Variants in PLEKHA4 observed in about 807,000 individuals in gnomAD.
The protein encoded by PLEKHA4 is pleckstrin homology domain-containing family A member 4.
A neutral mutation model predicts 94.7 loss-of-function variants in PLEKHA4; 73 were observed. The observed-to-expected ratio is 0.77, with a 90% CI of 0.64 to 0.94. PLEKHA4 has a LOEUF of 0.94. Among genes scored for constraint, PLEKHA4 ranks in the 40% least tolerant of loss-of-function variants. The pLI, the probability that PLEKHA4 is intolerant of heterozygous loss-of-function variation, is 0.00. For synonymous variants in PLEKHA4, 449 were observed against 437.1 expected (o/e 1.03, Z -0.34); for missense variants, 1,049 against 1,054.1 (o/e 1.00, Z 0.07).
At chr19:48,857,128 C>G (rs1452619015) in intron 9 of PLEKHA4, among the ~76,000 whole-genome samples, 1 of 151,958 alleles carries the variant, frequency 6.6e-6, no homozygotes, top group Non-Finnish European at 1.5e-5. Flanking sequence ...TGCTGGCAAC[C>G]ACCAGAAGCT....
chr19:48,866,092 T>C (rs911306624), intron 2 of PLEKHA4, among the ~76,000 whole-genome samples: 11 of 151,576 alleles, frequency 7.3e-5, no homozygotes, highest in Non-Finnish European at 1.3e-4. Context: ...GAGGTGTTCT[T>C]ATTGCAGAGT....
chr19:48,865,338 G>A (rs1246592961), intron 3 of PLEKHA4, among the ~76,000 whole-genome samples, 165 bp downstream of exon 3: 1 of 152,084 alleles, frequency 6.6e-6, no homozygotes, highest in Admixed American at 6.6e-5. Context: ...AAGAGACTCT[G>A]TCTTAAAAAT....
chr19:48,863,597 ATT>A (rs1234542582), intron 3 of PLEKHA4, among the ~76,000 whole-genome samples: 2 of 144,342 alleles, frequency 1.4e-5, no homozygotes. Context: ...CGCCCGGCTA[ATT>A]TTTTTTTTTT....
chr19:48,860,370 G>A lies in PLEKHA4; in HGVS notation c.456C>T (p.Ser152=), dbSNP rs1235162691. ...CTCACTAGTCGTCCCCCTCCGCACGGGAGGCCCGGCCCAGCGCCCGTAGCC... is the reference window on the plus strand; with the variant it reads ...CTCACTAGTCGTCCCCCTCCGCACGAGAGGCCCGGCCCAGCGCCCGTAGCC... ...RGWLRALGRA[S]RAEGDDYGQP... Residue 152 remains serine (S), a synonymous_variant, in exon 6 of 20, where the codon TCC becomes TCT. Transcript: ENST00000263265. 6 of 1,613,978 alleles carry A rather than the reference G, an allele frequency of 3.7e-6. No individual in the cohort carries two copies. Among genetic ancestry groups the A allele is most frequent in the South Asian group, 3.3e-5 (3 of 91,082 alleles).
intron 5 of PLEKHA4, 48 bp from the exon 6 acceptor site, chr19:48,860,507 A>G: frequency 6.9e-7 from 1 of 1,452,378 alleles, no homozygotes. Flanking sequence ...CCTTGTAAAA[A>G]GGAGGACAGG....
intron 13 of PLEKHA4, among the ~76,000 whole-genome samples, chr19:48,850,252 T>C (rs2036130687): frequency 1.3e-5 from 2 of 151,362 alleles, no homozygotes; most frequent in Admixed American, 1.3e-4. Context: ...ACGCCTGTAA[T>C]CCCAGCACTT....
rs2036645662 is a variant in PLEKHA4 at position 48,861,651 on chromosome 19, G to T, written c.234C>A (p.Val78=). Residue 78 remains valine, a synonymous_variant, in exon 4 of 20, where the codon GTC becomes GTA. Transcript: ENST00000263265. ...AATAAAAGAGGCAATGGCCGGAGAG[G>T]ACGAACCAGCGGCGTTTCCAGAGAC... ...GLRLWKRRWF[V]LSGHCLFYYK... The T allele has an allele frequency of 1.2e-6, 2 of 1,614,106 alleles. No homozygotes were observed. Among genetic ancestry groups the T allele is most frequent in the Admixed American group, 1.7e-5 (1 of 59,996 alleles).
In PLEKHA4 at chr19:48,837,154, C is replaced by T; in HGVS notation, c.*135G>A. ...AGTGTTGAGAAAACCAAACTTTGGC[C>T]ATAGAAACCATTCCCCTCCCGGGCC... is the stretch of plus-strand genomic sequence containing the variant. On this transcript the variant is annotated 3_prime_UTR_variant, in exon 20 of 20. Transcript: ENST00000263265. This position sits in a 1 kb window ranked among gnomAD's most constrained non-coding sequence, Gnocchi z 4.3. 1 of 1,284,068 alleles carries T rather than the reference C, an allele frequency of 7.8e-7. No individual in the cohort carries two copies. The highest frequency in any genetic ancestry group is 1.1e-6 in the Non-Finnish European group (1 of 904,680). 79.5% of individuals were successfully genotyped at this position (1,284,068 alleles called of 1,614,324 possible).
rs1333175523 is a variant in PLEKHA4 at position 48,845,508 on chromosome 19, G to C, written c.1666+9C>G. On this transcript the variant is annotated intron_variant, in intron 15 of 19. Transcript: ENST00000263265. ...TTTCCGTAAAGTCCCACCCAACCAG[G>C]ATGCTCACCTAAGTGAGGGCTGGCG... The C allele has an allele frequency of 1.9e-6, 3 of 1,613,042 alleles. No homozygotes were observed. Among genetic ancestry groups the C allele is most frequent in the African/African-American group, 1.3e-5 (1 of 74,820 alleles).
intron 13 of PLEKHA4, among the ~76,000 whole-genome samples, chr19:48,848,473 G>A (rs1400683658): frequency 3.0e-5 from 4 of 131,186 alleles, no homozygotes; most frequent in Admixed American, 8.1e-5. Flanking sequence ...GCGACAGAGC[G>A]AGACTCCGTC....
chr19:48,852,427 G>C, intron 12 of PLEKHA4, 101 bp from the exon 13 acceptor site: 1 of 892,470 alleles, frequency 1.1e-6, no homozygotes, highest in South Asian at 1.5e-5. Context: ...AGGGAGTTTG[G>C]TCCCTGGAGC....
chr19:48,861,254 G>A (rs17272680), intron 5 of PLEKHA4, 147 bp downstream of exon 5: 100,431 of 742,278 alleles, frequency 0.14, 8,174 homozygotes, highest in Non-Finnish European at 0.17. Flanking sequence ...ACAAAACGAG[G>A]ATGCAATTGA....
chr19:48,858,777 G>A, intron 8 of PLEKHA4, 83 bp downstream of exon 8: 1 of 1,480,706 alleles, frequency 6.8e-7, no homozygotes, highest in South Asian at 1.1e-5. Flanking sequence ...GACACCCAGG[G>A]AGCAATGGCC....
Position 48,865,557 on chromosome 19 carries a change from C to T in PLEKHA4, c.138G>A (p.Ala46=), listed in dbSNP as rs761832474. The T allele has an allele frequency of 1.2e-5, 19 of 1,614,018 alleles. No homozygotes were observed. Among genetic ancestry groups the T allele is most frequent in the East Asian group, 6.7e-5 (3 of 44,880 alleles). ...KIHAFGKRGN[A]LRRDPNLPVH... ...CGGGAAGGTTGGGATCCCTCCTGAGCGCATTGCCTCTCTTCCCAAAGGCGT... is the reference window on the plus strand; with the variant it reads ...CGGGAAGGTTGGGATCCCTCCTGAGTGCATTGCCTCTCTTCCCAAAGGCGT... Residue 46 remains alanine (A), a synonymous_variant, in exon 3 of 20, where the codon GCG becomes GCA. Transcript: ENST00000263265.
At chr19:48,854,387 GA>G in intron 9 of PLEKHA4, 123 bp from the exon 10 acceptor site, 1 of 875,668 alleles carries the variant, frequency 1.1e-6, no homozygotes, top group Non-Finnish European at 1.8e-6. Flanking sequence ...TATTTATTTA[GA>G]GATAGGGTCT....
rs2036896339 is a variant in PLEKHA4 at position 48,868,126 on chromosome 19, GGGT to G, written c.-53_-51del. ...TGACGGGGGGGCAAGAGGACGGTGT[GGGT>G]GCTGCGGCACCTAGGCAGTCTCCCG... is the stretch of plus-strand genomic sequence containing the variant. On this transcript the variant is annotated 5_prime_UTR_variant, in exon 1 of 20. Coordinates refer to ENST00000263265, the MANE Select transcript of PLEKHA4 (RefSeq NM_020904.3). The G allele has an allele frequency of 1.2e-5, 2 of 160,438 alleles. No homozygotes were observed. Among genetic ancestry groups the G allele is most frequent in the Non-Finnish European group, 1.4e-5 (1 of 72,306 alleles). 9.9% of individuals were successfully genotyped at this position (160,438 alleles called of 1,614,324 possible).
chr19:48,840,394 G>A (rs1386728512), intron 17 of PLEKHA4, among the ~76,000 whole-genome samples: 2 of 149,590 alleles, frequency 1.3e-5, no homozygotes, highest in African/African-American at 4.9e-5. Context: ...TAGCCTGGGC[G>A]ACCTTGTCCC....
chr19:48,842,400 C>T (rs985314443), intron 16 of PLEKHA4, among the ~76,000 whole-genome samples: 4 of 152,100 alleles, frequency 2.6e-5, no homozygotes, highest in African/African-American at 7.2e-5. Context: ...CCACCTGCCT[C>T]GGCCTCCCAA....
At chr19:48,844,661 C>A (rs887041526) in intron 16 of PLEKHA4, 3 of 985,124 alleles carry the variant, frequency 3.0e-6, no homozygotes, top group Non-Finnish European at 3.6e-6. Context: ...CTTCTGAAAA[C>A]CAGCCAATCA....
Sources: allele counts gnomAD v4.1 joint callset (sites outside exome capture counted in the v4.1 genomes callset), GRCh38; gene constraint gnomAD v4.1.1; non-coding constraint Gnocchi (gnomAD v3.1); transcripts MANE v1.5; gene names NCBI Gene and HGNC (gene_info 2026-07-23, HGNC 2026-07-21).